Variants in PIK3C3 observed in about 807,000 individuals in gnomAD.
PIK3C3 encodes phosphatidylinositol 3-kinase catalytic subunit type 3.
PIK3C3 carries 95 observed loss-of-function variants against 126.1 expected under a neutral mutation model. The observed-to-expected ratio is 0.75, with a 90% CI of 0.64 to 0.89. The LOEUF is 0.89. PIK3C3 is among the 40% of genes least tolerant of loss of function. PIK3C3 has a pLI of 0.00. For missense variants in PIK3C3, 829 were observed against 1,063.2 expected (o/e 0.78, Z 3.06); for synonymous variants, 374 against 360.0 (o/e 1.04, Z -0.44).
intron 4 of PIK3C3, among the ~76,000 whole-genome samples, chr18:41,985,583 T>A (rs1420289074): frequency 6.6e-6 from 1 of 152,224 alleles, no homozygotes; most frequent in Non-Finnish European, 1.5e-5. Flanking sequence ...TACTCTAGTT[T>A]ACTTAACAGT....
intron 12 of PIK3C3, among the ~76,000 whole-genome samples, chr18:42,016,577 T>A (rs1335536664): frequency 6.6e-6 from 1 of 152,152 alleles, no homozygotes; most frequent in Non-Finnish European, 1.5e-5. Flanking sequence ...TACTTGTTAC[T>A]AAAAAAGTAA....
At chr18:42,015,050 C>T (rs755965936) in intron 11 of PIK3C3, among the ~76,000 whole-genome samples, 17 of 152,186 alleles carry the variant, frequency 1.1e-4, no homozygotes, top group Non-Finnish European at 2.5e-4. Context: ...TTCCAACTTA[C>T]GGTCTACTAG....
intron 3 of PIK3C3, among the ~76,000 whole-genome samples, chr18:41,970,041 G>T (rs1980576163): frequency 6.6e-6 from 1 of 152,172 alleles, no homozygotes; most frequent in African/African-American, 2.4e-5. Context: ...CCAAAGTGAT[G>T]AAATGTGTGT....
At chr18:42,069,009 G>C (rs2144523039) in intron 24 of PIK3C3, among the ~76,000 whole-genome samples, 1 of 149,478 alleles carries the variant, frequency 6.7e-6, no homozygotes. Context: ...TTCAAATACA[G>C]ACTTCCTGAA....
intron 4 of PIK3C3, among the ~76,000 whole-genome samples, chr18:41,980,053 C>G (rs1261052139): frequency 2.0e-5 from 3 of 152,156 alleles, no homozygotes; most frequent in Middle Eastern, 3.4e-3. Context: ...AACTGACATT[C>G]TGGATCAAAT....
intron 11 of PIK3C3, among the ~76,000 whole-genome samples, chr18:42,015,205 T>TAAAC (rs113923091): frequency 0.074 from 11,188 of 151,776 alleles, 1,325 homozygotes; most frequent in African/African-American, 0.25. Flanking sequence ...TAAATGGGCT[T>TAAAC]AAACAAACAA....
At chr18:42,018,983 C>T (rs1013652139) in intron 12 of PIK3C3, among the ~76,000 whole-genome samples, 33 of 152,082 alleles carry the variant, frequency 2.2e-4, no homozygotes, top group African/African-American at 7.5e-4. Context: ...TCTTCCTGCT[C>T]TGCAGTGATT....
At position 42,042,889 on chromosome 18, in the gene PIK3C3, A is replaced by AT. The variant is rs750922842; in HGVS notation, c.2104-842dup. On this transcript the variant is annotated intron_variant, in intron 19 of 24. Transcript: ENST00000262039. ...CCTCTTTTTGGTTTGCATTTCCCTG[A>AT]TTATCTGTAAGGTTGAATGTATAAA... 2.6e-4 allele frequency among the ~76,000 whole-genome samples: 40 copies of AT among 152,178 alleles called. No homozygotes were observed. The Middle Eastern group carries it at 0.014, about 52-fold the overall frequency.
In PIK3C3 at chr18:41,990,555, G is replaced by A. The variant is rs762060586; in HGVS notation, c.714+1G>A. On this transcript the variant is annotated splice_donor_variant, in intron 6 of 24. Transcript: ENST00000262039. LOFTEE classifies it high-confidence loss of function. ...ATATGGTATTGTTTATTATGAAAAG[G>A]TATTTCCCTTGGAACTGTTTTTGGT... The A allele has an allele frequency of 6.6e-7, 1 of 1,511,588 alleles. No individual in the cohort carries two copies. The highest frequency in any genetic ancestry group is 1.1e-5 in the South Asian group (1 of 88,462). 93.6% of individuals were successfully genotyped at this position (1,511,588 alleles called of 1,614,324 possible).
intron 20 of PIK3C3, among the ~76,000 whole-genome samples, chr18:42,045,364 T>C (rs1415213704): frequency 6.6e-6 from 1 of 152,198 alleles, no homozygotes; most frequent in Non-Finnish European, 1.5e-5. Flanking sequence ...TTCTCTTCTG[T>C]TTTTCTCAGA....
intron 20 of PIK3C3, 96 bp from the exon 21 acceptor site, chr18:42,049,435 T>C: frequency 2.7e-6 from 2 of 730,718 alleles, no homozygotes; most frequent in Non-Finnish European, 4.5e-6. Context: ...AGAAAACAAA[T>C]TGATATTAAA....
At chr18:42,050,392 G>A (rs1201791078) in intron 21 of PIK3C3, 4 of 152,122 alleles carry the variant, frequency 2.6e-5, no homozygotes, top group Non-Finnish European at 5.9e-5. Flanking sequence ...CAGACTTACA[G>A]CTTTTTACCT....
intron 12 of PIK3C3, among the ~76,000 whole-genome samples, chr18:42,018,270 A>G (rs576243892): frequency 7.8e-4 from 119 of 152,148 alleles, no homozygotes; most frequent in African/African-American, 2.4e-3. Flanking sequence ...GAGTTTTAAC[A>G]TTTACAATAC....
intron 1 of PIK3C3, among the ~76,000 whole-genome samples, chr18:41,956,899 G>A (rs1247570783): frequency 6.6e-6 from 1 of 152,118 alleles, no homozygotes; most frequent in Non-Finnish European, 1.5e-5. Context: ...AATATAAAAT[G>A]CCTGGCACAG....
intron 4 of PIK3C3, among the ~76,000 whole-genome samples, chr18:41,977,069 T>C (rs767524859): frequency 2.0e-5 from 3 of 152,178 alleles, no homozygotes; most frequent in Non-Finnish European, 4.4e-5. Flanking sequence ...AGATAGAATA[T>C]GAAGCAGTGT....
chr18:42,030,375 T>A (rs890732119), intron 15 of PIK3C3, among the ~76,000 whole-genome samples: 1 of 152,226 alleles, frequency 6.6e-6, no homozygotes, highest in African/African-American at 2.4e-5. Flanking sequence ...CTAAATGATA[T>A]GAAAGATTCG....
chr18:41,998,954 G>T (rs1279816985), intron 9 of PIK3C3, among the ~76,000 whole-genome samples: 1 of 152,070 alleles, frequency 6.6e-6, no homozygotes, highest in Non-Finnish European at 1.5e-5. Context: ...TTGGGCCCTG[G>T]GGCTGAAAAG....
At position 42,020,714 on chromosome 18, in the gene PIK3C3, A is replaced by G; in HGVS notation, c.1484+9A>G. 2 of 1,505,350 alleles carry G rather than the reference A, an allele frequency of 1.3e-6. No homozygotes were observed. Among genetic ancestry groups the G allele is most frequent in the South Asian group, 2.3e-5 (2 of 85,512 alleles). The allele number at this position is 1,505,350 out of a possible 1,614,324, so 93.2% of individuals were successfully genotyped here. On this transcript the variant is annotated intron_variant, in intron 13 of 24. Transcript: ENST00000262039. ...GCTAATTATTTATACTGGTATGTAA[A>G]AATAATTTTCTGTTTATTTTCTTAT... is the stretch of plus-strand genomic sequence containing the variant.
At chr18:41,965,984 C>T (rs1156230554) in intron 3 of PIK3C3, among the ~76,000 whole-genome samples, 2 of 152,112 alleles carry the variant, frequency 1.3e-5, no homozygotes, top group Non-Finnish European at 2.9e-5. Context: ...TCTCTTAACT[C>T]TAACTGGAAA....
Sources: gnomAD v4.1 joint callset for allele counts (sites outside exome capture counted in the v4.1 genomes callset) on GRCh38, gnomAD v4.1.1 for gene constraint, MANE v1.5 for transcripts, NCBI Gene and HGNC (gene_info 2026-07-23, HGNC 2026-07-21) for gene names.